Variants in ANKRD44 observed in about 807,000 individuals in gnomAD.
ANKRD44 encodes serine/threonine-protein phosphatase 6 regulatory ankyrin repeat subunit B.
In ANKRD44, 35 loss-of-function variants were observed where a neutral mutation model predicts 116.0. That is an observed-to-expected ratio of 0.30 (90% CI 0.23 to 0.40). The LOEUF (loss-of-function observed/expected upper bound fraction) is 0.40, where lower values mean the gene tolerates loss of function less well. ANKRD44 is among the 10% of genes least tolerant of loss of function. ANKRD44 has a pLI of 1.00. For synonymous variants in ANKRD44, 435 were observed against 461.8 expected (o/e 0.94, Z 0.74); for missense variants, 1,014 against 1,242.6 (o/e 0.82, Z 2.77).
chr2:197,058,831 C>T (rs984753318), intron 16 of ANKRD44, among the ~76,000 whole-genome samples: 1 of 152,176 alleles, frequency 6.6e-6, no homozygotes, highest in African/African-American at 2.4e-5. Flanking sequence ...GTGACAGGCA[C>T]ATTGGAATGG....
chr2:197,023,893 C>G (rs973540474), intron 17 of ANKRD44, among the ~76,000 whole-genome samples: 2 of 152,196 alleles, frequency 1.3e-5, no homozygotes, highest in Non-Finnish European at 2.9e-5. Flanking sequence ...GTAAGTCCAT[C>G]TCCGGGAACA....
chr2:197,039,901 G>A (rs976181534), intron 16 of ANKRD44, among the ~76,000 whole-genome samples: 2 of 152,072 alleles, frequency 1.3e-5, no homozygotes, highest in African/African-American at 4.8e-5. Flanking sequence ...AGGCAAAGAG[G>A]ATAATTTCAT....
At chr2:197,221,048 G>A (rs1304818296) in intron 1 of ANKRD44, among the ~76,000 whole-genome samples, 2 of 152,052 alleles carry the variant, frequency 1.3e-5, no homozygotes, top group Admixed American at 6.6e-5. Flanking sequence ...TCAGGAGTTC[G>A]AGGTCAGCCT....
chr2:197,178,054 A>G (rs1268598132), intron 2 of ANKRD44, among the ~76,000 whole-genome samples: 1 of 152,194 alleles, frequency 6.6e-6, no homozygotes, highest in Admixed American at 6.5e-5. Flanking sequence ...AATCCCCCAC[A>G]GTTAGAATGT....
intron 16 of ANKRD44, among the ~76,000 whole-genome samples, chr2:197,051,354 G>A (rs1419852830): frequency 2.6e-5 from 4 of 152,070 alleles, no homozygotes; most frequent in African/African-American, 9.7e-5. Context: ...ACAGTCACTA[G>A]GAGGTACCAG....
chr2:197,013,208 T>C (rs1574274499), intron 18 of ANKRD44, among the ~76,000 whole-genome samples: 1 of 152,224 alleles, frequency 6.6e-6, no homozygotes. Context: ...TTTTGTTCTA[T>C]GTAACTTGTT....
chr2:197,197,898 C>T (rs2080996997), intron 1 of ANKRD44: 1 of 151,846 alleles, frequency 6.6e-6, no homozygotes, highest in African/African-American at 2.4e-5. Flanking sequence ...CAGAGTCAGT[C>T]TCTCCCTTGA....
chr2:197,191,385 A>G (rs2080818930), intron 1 of ANKRD44, among the ~76,000 whole-genome samples: 1 of 152,162 alleles, frequency 6.6e-6, no homozygotes, highest in Non-Finnish European at 1.5e-5. Context: ...GAAATGGGGA[A>G]CAGAAAGACC....
At chr2:197,033,680 A>T (rs1471985592) in intron 16 of ANKRD44, among the ~76,000 whole-genome samples, 7 of 108,290 alleles carry the variant, frequency 6.5e-5, no homozygotes, top group Admixed American at 9.3e-5. Context: ...TTTTTTTTTT[A>T]AGTATTTGGG....
rs767054875 is a variant in ANKRD44 at position 197,078,801 on chromosome 2, G to T, written c.1552C>A (p.Leu518Met). The change falls in exon 16 of 28, where the codon CTG (leucine) becomes ATG (methionine). Residue 518 changes from leucine (L) to methionine (M), a missense_variant. Coordinates refer to ENST00000282272, the MANE Select transcript of ANKRD44 (RefSeq NM_001195144.2). ...EKEATLCLEF[L>M]LQNDANPSIR... is the part of the protein sequence containing the mutation. Reference sequence around the variant, plus strand: ...GATGGATTTGCATCATTTTGAAGCAGAAACTCTAGACATCTGTAAGTATAA... The same window carrying T: ...GATGGATTTGCATCATTTTGAAGCATAAACTCTAGACATCTGTAAGTATAA... 6 of 1,612,952 alleles carry T rather than the reference G, an allele frequency of 3.7e-6. No homozygotes were observed. The South Asian group carries it at 6.6e-5, about 18-fold the overall frequency.
chr2:197,122,895 T>A, intron 6 of ANKRD44, 103 bp from the exon 7 acceptor site: 1 of 1,385,022 alleles, frequency 7.2e-7, no homozygotes, highest in South Asian at 1.4e-5. Flanking sequence ...GCCACCAGTA[T>A]TTTGCTGAGT....
chr2:197,226,533 G>A (rs1559165674), intron 1 of ANKRD44, among the ~76,000 whole-genome samples: 1 of 152,020 alleles, frequency 6.6e-6, no homozygotes, highest in Non-Finnish European at 1.5e-5. Context: ...GTGTGGTGGT[G>A]CACGCCTGTA....
At chr2:197,037,288 G>A (rs1473681096) in intron 16 of ANKRD44, among the ~76,000 whole-genome samples, 1 of 152,192 alleles carries the variant, frequency 6.6e-6, no homozygotes, top group Non-Finnish European at 1.5e-5. Context: ...TGATTTCCAA[G>A]GTCCCTTTAG....
intron 17 of ANKRD44, chr2:197,015,665 GA>G (rs1198394090): frequency 1.8e-6 from 1 of 558,092 alleles, no homozygotes; most frequent in Non-Finnish European, 3.3e-6. Context: ...GGTAGTTATG[GA>G]GGAGGTGATG....
chr2:196,989,693 A>T (rs1001953034), intron 27 of ANKRD44, 44 bp from the exon 28 acceptor site: 1 of 1,547,054 alleles, frequency 6.5e-7, no homozygotes, highest in African/African-American at 1.4e-5. Flanking sequence ...TGTTGATTTC[A>T]TCATCAAGCA....
At chr2:197,164,845 A>G (rs1359515804) in intron 2 of ANKRD44, among the ~76,000 whole-genome samples, 3 of 150,486 alleles carry the variant, frequency 2.0e-5, no homozygotes, top group African/African-American at 7.3e-5. Context: ...AGTTTATTCT[A>G]CCTTGGTTTT....
intron 2 of ANKRD44, among the ~76,000 whole-genome samples, chr2:197,157,292 C>T (rs1574571319): frequency 6.6e-6 from 1 of 152,142 alleles, no homozygotes; most frequent in Non-Finnish European, 1.5e-5. Flanking sequence ...TTAGAGGCAG[C>T]TCATGTTATG....
At chr2:197,120,200 G>A (rs1477177590) in intron 8 of ANKRD44, among the ~76,000 whole-genome samples, 1 of 152,170 alleles carries the variant, frequency 6.6e-6, no homozygotes, top group Non-Finnish European at 1.5e-5. Context: ...TACACTGTAA[G>A]TTCCTTAAAG....
chr2:197,200,355 A>T (rs956100319), intron 1 of ANKRD44, among the ~76,000 whole-genome samples: 5 of 152,192 alleles, frequency 3.3e-5, no homozygotes, highest in African/African-American at 1.2e-4. Context: ...AGATGGAGGA[A>T]GGAAAAAAAT....
Sources: allele counts gnomAD v4.1 joint callset (sites outside exome capture counted in the v4.1 genomes callset), GRCh38; gene constraint gnomAD v4.1.1; transcripts MANE v1.5; gene names NCBI Gene and HGNC (gene_info 2026-07-23, HGNC 2026-07-21).